C1QTNF3: variants seen among roughly 807,000 people sequenced by gnomAD.
C1QTNF3 encodes complement C1q tumor necrosis factor-related protein 3.
C1QTNF3 carries 26 observed loss-of-function variants against 32.6 expected under a neutral mutation model. The ratio of observed to expected loss-of-function variants is 0.80; its 90% CI spans 0.58 to 1.11. The LOEUF (loss-of-function observed/expected upper bound fraction) is 1.11, where lower values mean the gene tolerates loss of function less well. C1QTNF3 is among the 50% of genes least tolerant of loss of function. The pLI, the probability that C1QTNF3 is intolerant of heterozygous loss-of-function variation, is 0.00. For synonymous variants in C1QTNF3, 155 were observed against 146.0 expected (o/e 1.06, Z -0.44); for missense variants, 362 against 398.2 (o/e 0.91, Z 0.77).
the C1QTNF3 span, among the ~76,000 whole-genome samples, chr5:34,071,881 T>C: frequency 3.3e-5 from 5 of 152,070 alleles, no homozygotes; most frequent in African/African-American, 1.2e-4. Flanking sequence ...GGAACAGAAA[T>C]AGAAATTACC....
At chr5:34,050,259 T>C in the C1QTNF3 span, among the ~76,000 whole-genome samples, 31 of 152,300 alleles carry the variant, frequency 2.0e-4, no homozygotes, top group African/African-American at 7.0e-4. Flanking sequence ...GTTACTTCCA[T>C]TGCTCATCAA....
At chr5:34,211,918 G>A in the C1QTNF3 span, among the ~76,000 whole-genome samples, 1 of 152,020 alleles carries the variant, frequency 6.6e-6, no homozygotes, top group African/African-American at 2.4e-5. Flanking sequence ...AAGTTCATAT[G>A]GAACCAAAAA....
the C1QTNF3 span, among the ~76,000 whole-genome samples, chr5:34,063,550 G>C: frequency 2.0e-5 from 3 of 152,110 alleles, no homozygotes; most frequent in Non-Finnish European, 4.4e-5. Flanking sequence ...GGTAGAAACT[G>C]GGGGAGGAGA....
At chr5:34,161,003 C>T in the C1QTNF3 span, among the ~76,000 whole-genome samples, 143 of 152,162 alleles carry the variant, frequency 9.4e-4, no homozygotes, top group African/African-American at 3.3e-3. Context: ...GAGTTTAAGA[C>T]AGTGATTCAT....
the C1QTNF3 span, chr5:34,106,353 T>C: frequency 1.3e-5 from 2 of 151,964 alleles, no homozygotes; most frequent in African/African-American, 4.8e-5. Flanking sequence ...AAGAATATAA[T>C]AAGAATTCAT....
chr5:34,223,838 T>C, the C1QTNF3 span, among the ~76,000 whole-genome samples: 2 of 152,058 alleles, frequency 1.3e-5, no homozygotes, highest in Non-Finnish European at 2.9e-5. Flanking sequence ...GGGTATTCAA[T>C]TAGGAAAAGA....
the C1QTNF3 span, among the ~76,000 whole-genome samples, chr5:34,204,512 T>C: frequency 6.6e-6 from 1 of 152,200 alleles, no homozygotes; most frequent in Non-Finnish European, 1.5e-5. Flanking sequence ...TACTGCATGT[T>C]CTCACTTATA....
At chr5:34,058,727 C>G in the C1QTNF3 span, among the ~76,000 whole-genome samples, 1 of 152,154 alleles carries the variant, frequency 6.6e-6, no homozygotes, top group Non-Finnish European at 1.5e-5. Context: ...TTAGGTTGCA[C>G]AAAGTAGACT....
the C1QTNF3 span, among the ~76,000 whole-genome samples, chr5:34,070,468 C>G: frequency 1.3e-5 from 2 of 152,068 alleles, no homozygotes; most frequent in African/African-American, 4.8e-5. Context: ...CCTCAACATA[C>G]TATGCAGTTT....
the C1QTNF3 span, among the ~76,000 whole-genome samples, chr5:34,118,268 A>G: frequency 6.6e-6 from 1 of 152,080 alleles, no homozygotes; most frequent in African/African-American, 2.4e-5. Flanking sequence ...TGGTAGAGAA[A>G]GAGTTTCTGC....
the C1QTNF3 span, among the ~76,000 whole-genome samples, chr5:34,171,914 C>T: frequency 1.3e-5 from 2 of 152,146 alleles, no homozygotes; most frequent in African/African-American, 2.4e-5. Context: ...ATTGATTAAT[C>T]ATTGTGGGTA....
At chr5:34,128,150 C>A in the C1QTNF3 span, among the ~76,000 whole-genome samples, 9 of 152,214 alleles carry the variant, frequency 5.9e-5, no homozygotes, top group Non-Finnish European at 1.0e-4. Context: ...ATGGCTCATG[C>A]CACTGCTTCA....
the C1QTNF3 span, among the ~76,000 whole-genome samples, chr5:34,075,996 T>G: frequency 0.057 from 8,576 of 151,430 alleles, 1,019 homozygotes; most frequent in African/African-American, 0.19. Context: ...AAAGACATTG[T>G]ACTAAATGAA....
chr5:34,226,414 C>A, the C1QTNF3 span, among the ~76,000 whole-genome samples: 9 of 147,796 alleles, frequency 6.1e-5, no homozygotes, highest in Admixed American at 4.2e-4. Flanking sequence ...CACTGATGTT[C>A]AAGAACAAAG....
intron 1 of C1QTNF3, among the ~76,000 whole-genome samples, chr5:34,036,667 T>C (rs897313903): frequency 6.6e-6 from 1 of 152,216 alleles, no homozygotes; most frequent in Admixed American, 6.5e-5. Flanking sequence ...TGTGAAATGA[T>C]TGGGCTGAGC....
chr5:34,091,820 A>G, the C1QTNF3 span, among the ~76,000 whole-genome samples: 1 of 151,946 alleles, frequency 6.6e-6, no homozygotes, highest in African/African-American at 2.4e-5. Flanking sequence ...CAAATATTTA[A>G]ATAGGATTCT....
chr5:34,189,152 C>T, the C1QTNF3 span, among the ~76,000 whole-genome samples: 1 of 150,326 alleles, frequency 6.7e-6, no homozygotes, highest in African/African-American at 2.5e-5. Context: ...ATCCGTCCAC[C>T]CCGACCTCCC....
the C1QTNF3 span, among the ~76,000 whole-genome samples, chr5:34,053,704 C>A: frequency 5.3e-5 from 8 of 152,210 alleles, no homozygotes; most frequent in African/African-American, 1.7e-4. Context: ...CATTTCCCCA[C>A]CCTATTATAT....
the C1QTNF3 span, among the ~76,000 whole-genome samples, chr5:34,153,933 ATTG>A: frequency 3.0e-4 from 46 of 151,358 alleles, no homozygotes; most frequent in African/African-American, 8.5e-4. Context: ...AACTGACTTG[ATTG>A]TTGTTATCAT....
Sources: gnomAD v4.1 joint callset for allele counts (sites outside exome capture counted in the v4.1 genomes callset) on GRCh38, gnomAD v4.1.1 for gene constraint, MANE v1.5 for transcripts, NCBI Gene and HGNC (gene_info 2026-07-23, HGNC 2026-07-21) for gene names.